Variants in CACNA2D3 observed in about 807,000 individuals in gnomAD.
CACNA2D3 encodes the protein voltage-dependent calcium channel subunit alpha-2/delta-3.
A neutral mutation model predicts 160.6 loss-of-function variants in CACNA2D3; 60 were observed. That is an observed-to-expected ratio of 0.37 (90% CI 0.30 to 0.46). The LOEUF (loss-of-function observed/expected upper bound fraction) is 0.46. Ranked by LOEUF, CACNA2D3 falls within the 20% of genes least tolerant of loss-of-function variation. The pLI is 1.00. For missense variants in CACNA2D3, 1,205 were observed against 1,365.0 expected (o/e 0.88, Z 1.85); for synonymous variants, 558 against 492.9 (o/e 1.13, Z -1.75).
In CACNA2D3 at chr3:54,357,720, A is replaced by G. The variant is rs1440430450; in HGVS notation, c.322-28995A>G. ...CAAACGATGGTACTGCAGACAATGG[A>G]ATGTTATTCGGTAATAAAAAGAAAT... On this transcript the variant is annotated intron_variant, in intron 3 of 37. Coordinates refer to ENST00000474759, the MANE Select transcript of CACNA2D3 (RefSeq NM_018398.3). Among the ~76,000 whole-genome samples the G allele has an allele frequency of 2.6e-5, 4 of 152,242 alleles. No individual in the cohort carries two copies. The East Asian group carries it at 5.8e-4, about 22-fold the overall frequency.
At chr3:54,937,211 T>A (rs934975770) in intron 27 of CACNA2D3, among the ~76,000 whole-genome samples, 1 of 152,234 alleles carries the variant, frequency 6.6e-6, no homozygotes, top group Non-Finnish European at 1.5e-5. Context: ...AAGAAGTATC[T>A]ACTGAGTGTT....
chr3:54,922,944 A>G (rs1355606497), intron 27 of CACNA2D3, among the ~76,000 whole-genome samples: 5 of 151,958 alleles, frequency 3.3e-5, no homozygotes, highest in East Asian at 3.9e-4. Context: ...ATCCACTCCA[A>G]CCCATTAGCA....
intron 2 of CACNA2D3, among the ~76,000 whole-genome samples, chr3:54,204,601 C>T (rs898165270): frequency 2.0e-5 from 3 of 151,872 alleles, no homozygotes; most frequent in Non-Finnish European, 2.9e-5. Context: ...TCAAGACCAG[C>T]CTGGCTAACA....
chr3:54,806,773 T>G (rs76361914), intron 13 of CACNA2D3, among the ~76,000 whole-genome samples: 3 of 151,650 alleles, frequency 2.0e-5, no homozygotes, highest in Admixed American at 6.6e-5. Flanking sequence ...AGAACAAAGC[T>G]GGAGGCATCA....
chr3:54,453,511 C>G (rs546799598), intron 4 of CACNA2D3, among the ~76,000 whole-genome samples: 3 of 70,800 alleles, frequency 4.2e-5, no homozygotes, highest in East Asian at 5.6e-4. Flanking sequence ...TTTATACAAA[C>G]GAGATCTTTT....
At chr3:54,815,798 C>T (rs1000526926) in intron 13 of CACNA2D3, among the ~76,000 whole-genome samples, 3 of 152,146 alleles carry the variant, frequency 2.0e-5, no homozygotes, top group Admixed American at 2.0e-4. Flanking sequence ...AATGCAAAGA[C>T]GTAATACAGT....
At chr3:54,198,488 C>T (rs1045968461) in intron 2 of CACNA2D3, among the ~76,000 whole-genome samples, 1 of 152,248 alleles carries the variant, frequency 6.6e-6, no homozygotes, top group Non-Finnish European at 1.5e-5. Flanking sequence ...GCCAGCCGCT[C>T]TGTGGGGCTC....
intron 17 of CACNA2D3, among the ~76,000 whole-genome samples, chr3:54,871,108 A>G (rs1699516793): frequency 6.8e-6 from 1 of 147,788 alleles, no homozygotes; most frequent in South Asian, 2.2e-4. Flanking sequence ...CAATGGGAAG[A>G]CAAATCCAAC....
intron 11 of CACNA2D3, 147 bp from the exon 12 acceptor site, chr3:54,752,450 CTA>C (rs1332338142): frequency 1.6e-6 from 1 of 618,152 alleles, no homozygotes. Context: ...TTCTAGCTGA[CTA>C]TACTTCAGAT....
At chr3:54,834,099 T>G (rs1490811094) in intron 14 of CACNA2D3, among the ~76,000 whole-genome samples, 2 of 152,258 alleles carry the variant, frequency 1.3e-5, no homozygotes, top group Non-Finnish European at 2.9e-5. Flanking sequence ...TGAGTGAAGT[T>G]GATACTATAT....
At chr3:54,294,333 C>T (rs968152770) in intron 2 of CACNA2D3, among the ~76,000 whole-genome samples, 10 of 152,220 alleles carry the variant, frequency 6.6e-5, no homozygotes, top group East Asian at 1.9e-4. Flanking sequence ...AATGGGTATG[C>T]GACAAAGTTT....
chr3:54,479,675 T>G lies in CACNA2D3; in HGVS notation c.382-23817T>G, dbSNP rs898123808. On this transcript the variant is annotated intron_variant, in intron 4 of 37. Coordinates refer to ENST00000474759, the MANE Select transcript of CACNA2D3 (RefSeq NM_018398.3). Reference sequence around the variant, plus strand: ...GGAGAGAAGGCTACACATTAGTCTGTGTGTCCTGCAGCCATAGAAATGTCA... The same window carrying G: ...GGAGAGAAGGCTACACATTAGTCTGGGTGTCCTGCAGCCATAGAAATGTCA... 2.6e-5 allele frequency among the ~76,000 whole-genome samples: 4 copies of G among 152,186 alleles called. No individual in the cohort carries two copies. In the East Asian group the frequency reaches 5.8e-4, roughly 22 times the overall value.
chr3:54,993,919 TG>T (rs1336443121), intron 31 of CACNA2D3, among the ~76,000 whole-genome samples: 4 of 147,414 alleles, frequency 2.7e-5, no homozygotes. Context: ...TGTGTGTGTG[TG>T]TTTTGTGTGT....
chr3:54,854,124 T>C (rs988261705), intron 17 of CACNA2D3, among the ~76,000 whole-genome samples: 22 of 152,140 alleles, frequency 1.4e-4, no homozygotes, highest in African/African-American at 5.1e-4. Flanking sequence ...TTTCGTTTAG[T>C]TTCAAAGAAA....
chr3:54,223,706 T>C (rs970411134), intron 2 of CACNA2D3, among the ~76,000 whole-genome samples: 2 of 151,420 alleles, frequency 1.3e-5, no homozygotes, highest in Admixed American at 6.6e-5. Flanking sequence ...ATACAAAAAT[T>C]TGTGGGGCGT....
chr3:54,585,402 G>A (rs547299355), intron 9 of CACNA2D3, among the ~76,000 whole-genome samples: 1 of 151,902 alleles, frequency 6.6e-6, no homozygotes, highest in Non-Finnish European at 1.5e-5. Flanking sequence ...TAACTCATAG[G>A]AAGGTAAGAA....
intron 9 of CACNA2D3, among the ~76,000 whole-genome samples, chr3:54,596,307 G>T (rs1284903823): frequency 6.6e-6 from 1 of 152,042 alleles, no homozygotes; most frequent in South Asian, 2.1e-4. Flanking sequence ...GTTCCATTCC[G>T]CTGGTCCTGA....
At chr3:54,708,739 A>C (rs1520574) in intron 11 of CACNA2D3, among the ~76,000 whole-genome samples, 2,283 of 152,300 alleles carry the variant, frequency 0.015, 48 homozygotes, top group African/African-American at 0.051. Context: ...AATTTCCTCC[A>C]ACACCTGAAT....
intron 11 of CACNA2D3, among the ~76,000 whole-genome samples, chr3:54,705,998 C>T (rs1009704392): frequency 1.3e-5 from 2 of 152,148 alleles, no homozygotes; most frequent in African/African-American, 4.8e-5. Flanking sequence ...TTCTGTGCTC[C>T]TTTGAGGCAG....
Sources: allele counts gnomAD v4.1 joint callset (sites outside exome capture counted in the v4.1 genomes callset), GRCh38; gene constraint gnomAD v4.1.1; transcripts MANE v1.5; gene names NCBI Gene and HGNC (gene_info 2026-07-23, HGNC 2026-07-21).